The following OSTC variants were observed in gnomAD, a reference collection of about 807,000 sequenced individuals.
The protein encoded by OSTC is oligosaccharyltransferase complex subunit OSTC.
A neutral mutation model predicts 16.4 loss-of-function variants in OSTC; 16 were observed. The observed-to-expected ratio is 0.98, with a 90% CI of 0.66 to 1.49. OSTC has a LOEUF of 1.49. Ranked by LOEUF, OSTC falls within the 40% of genes most tolerant of loss-of-function variation. The pLI is 0.00. For missense variants in OSTC, 139 were observed against 186.3 expected (o/e 0.75, Z 1.48); for synonymous variants, 67 against 68.5 (o/e 0.98, Z 0.11).
intron 3 of OSTC, among the ~76,000 whole-genome samples, chr4:108,662,347 C>T (rs959096885): frequency 1.3e-5 from 2 of 152,138 alleles, no homozygotes; most frequent in African/African-American, 4.8e-5. Context: ...TATTCATTTT[C>T]GACAGACCCT....
chr4:108,665,805 A>T (rs892756188), intron 3 of OSTC, among the ~76,000 whole-genome samples: 1 of 151,678 alleles, frequency 6.6e-6, no homozygotes, highest in African/African-American at 2.4e-5. Flanking sequence ...TGCTCCACCT[A>T]CCTCGGCTTC....
In OSTC at chr4:108,650,791, G is replaced by A. The variant is rs1235303963; in HGVS notation, c.136G>A (p.Gly46Arg). ...GGTGGTGTCTTACTTCCTCATCACC[G>A]GAGGTAACTCGGGCTGTCGGGCCCG... is the stretch of plus-strand genomic sequence containing the variant. ...LVVVSYFLIT[G>R]GIIYDVIVEP... Residue 46 changes from glycine to arginine, a missense_variant, in exon 1 of 4, where the codon GGA (glycine) becomes AGA (arginine). Physicochemically the swap from Gly to Arg is moderately radical, Grantham distance 125 (BLOSUM62 -2). Coordinates refer to ENST00000361564, the MANE Select transcript of OSTC (RefSeq NM_021227.4). The A allele has an allele frequency of 3.7e-6, 6 of 1,614,232 alleles. No individual in the cohort carries two copies. Among genetic ancestry groups the A allele is most frequent in the Non-Finnish European group, 5.1e-6 (6 of 1,180,036 alleles).
At chr4:108,665,807 C>T (rs1560626204) in intron 3 of OSTC, among the ~76,000 whole-genome samples, 1 of 151,990 alleles carries the variant, frequency 6.6e-6, no homozygotes, top group Admixed American at 6.6e-5. Flanking sequence ...CTCCACCTAC[C>T]TCGGCTTCCC....
intron 2 of OSTC, among the ~76,000 whole-genome samples, chr4:108,656,382 C>T (rs2575613): frequency 0.81 from 123,364 of 151,554 alleles, 50,502 homozygotes; most frequent in East Asian, 1. Flanking sequence ...TAGGGTGGCT[C>T]TTCATAGTGC....
chr4:108,662,931 G>A lies in OSTC; in HGVS notation c.432-4316G>A, dbSNP rs145720140. On this transcript the variant is annotated intron_variant, in intron 3 of 3. Coordinates refer to ENST00000361564, the MANE Select transcript of OSTC (RefSeq NM_021227.4). ...GGACAATGTGTAGTAGAGAGGGTGA[G>A]GAATTTGGAGTCCAGTTTTGGCCTG... Among the ~76,000 whole-genome samples the A allele has an allele frequency of 2.0e-4, 30 of 152,280 alleles. 1 individual carries two copies. Among genetic ancestry groups the A allele is most frequent in the Non-Finnish European group, 3.7e-4 (25 of 68,010 alleles).
intron 3 of OSTC, among the ~76,000 whole-genome samples, chr4:108,658,342 GGTA>G (rs1726764973): frequency 6.6e-6 from 1 of 151,876 alleles, no homozygotes; most frequent in South Asian, 2.1e-4. Context: ...TTTGAATATT[GGTA>G]GGAAGAAAAC....
chr4:108,659,722 T>A (rs1254334091), intron 3 of OSTC, among the ~76,000 whole-genome samples: 1 of 151,980 alleles, frequency 6.6e-6, no homozygotes, highest in Non-Finnish European at 1.5e-5. Flanking sequence ...TGAGCCAAGA[T>A]CGTGCCACTG....
intron 1 of OSTC, among the ~76,000 whole-genome samples, chr4:108,654,874 A>G (rs144791262): frequency 5.6e-4 from 86 of 152,282 alleles, no homozygotes; most frequent in African/African-American, 2.0e-3. Flanking sequence ...CATTTAAGCA[A>G]TTTCTCTAGT....
intron 1 of OSTC, chr4:108,652,154 T>G (rs1726571098): frequency 1.3e-5 from 2 of 152,186 alleles, no homozygotes; most frequent in Admixed American, 1.3e-4. Flanking sequence ...TATTGAGTGC[T>G]CGCTTCGGCA....
At chr4:108,657,783 C>T (rs931285181) in intron 3 of OSTC, 136 bp downstream of exon 3, 94 of 772,940 alleles carry the variant, frequency 1.2e-4, no homozygotes, top group Non-Finnish European at 1.9e-4. Context: ...ATATTTGTAA[C>T]TTGGTCAGGT....
chr4:108,650,937 G>A, intron 1 of OSTC, 143 bp downstream of exon 1: 2 of 1,224,964 alleles, frequency 1.6e-6, no homozygotes, highest in Non-Finnish European at 2.2e-6. Context: ...GGAGTTCTGG[G>A]GTCCGAAGTG....
At chr4:108,663,462 C>T (rs889492754) in intron 3 of OSTC, among the ~76,000 whole-genome samples, 2 of 152,200 alleles carry the variant, frequency 1.3e-5, no homozygotes, top group Non-Finnish European at 2.9e-5. Context: ...CACGGCCTCC[C>T]AAAGTGCTAG....
intron 2 of OSTC, among the ~76,000 whole-genome samples, chr4:108,656,170 G>A (rs17039198): frequency 0.024 from 3,708 of 152,060 alleles, 151 homozygotes; most frequent in African/African-American, 0.083. Flanking sequence ...AGACTTTGAG[G>A]GTTCTGTTTC....
At chr4:108,664,546 T>A (rs1030104359) in intron 3 of OSTC, among the ~76,000 whole-genome samples, 2 of 151,856 alleles carry the variant, frequency 1.3e-5, no homozygotes, top group African/African-American at 4.8e-5. Context: ...CAAATTTATG[T>A]GAGGTCTTTA....
At chr4:108,661,532 C>T (rs1419531621) in intron 3 of OSTC, among the ~76,000 whole-genome samples, 2 of 152,168 alleles carry the variant, frequency 1.3e-5, no homozygotes, top group Non-Finnish European at 2.9e-5. Context: ...AATGAATCTT[C>T]ATTAGATTGT....
chr4:108,650,616 G>C lies in OSTC; in HGVS notation c.-40G>C, dbSNP rs574168635. On this transcript the variant is annotated 5_prime_UTR_variant, in exon 1 of 4. Coordinates refer to ENST00000361564, the MANE Select transcript of OSTC (RefSeq NM_021227.4). ...GGGCGGGCCTGTTTCCGGGAGGCGC[G>C]TGGGGCTTGAGGCCGAGAACGGCCC... The C allele has an allele frequency of 6.2e-6, 10 of 1,608,312 alleles. No homozygotes were observed. Among genetic ancestry groups the C allele is most frequent in the Non-Finnish European group, 6.8e-6 (8 of 1,176,262 alleles).
At chr4:108,653,795 G>A (rs528779658) in intron 1 of OSTC, among the ~76,000 whole-genome samples, 5 of 152,328 alleles carry the variant, frequency 3.3e-5, no homozygotes, top group African/African-American at 1.2e-4. Flanking sequence ...GAACTCCCAT[G>A]AGACATTGAA....
chr4:108,656,266 A>C (rs1726699146), intron 2 of OSTC, among the ~76,000 whole-genome samples: 2 of 151,884 alleles, frequency 1.3e-5, no homozygotes, highest in African/African-American at 4.8e-5. Context: ...ATCTACCAAA[A>C]CATAGCTATA....
intron 1 of OSTC, 142 bp downstream of exon 1, chr4:108,650,936 G>C: frequency 8.0e-7 from 1 of 1,246,886 alleles, no homozygotes; most frequent in South Asian, 1.5e-5. Flanking sequence ...GGGAGTTCTG[G>C]GGTCCGAAGT....
Sources: gnomAD v4.1 joint callset for allele counts (sites outside exome capture counted in the v4.1 genomes callset) on GRCh38, gnomAD v4.1.1 for gene constraint, MANE v1.5 for transcripts, NCBI Gene and HGNC (gene_info 2026-07-23, HGNC 2026-07-21) for gene names.